The following GPM6B variants were observed in gnomAD, a reference collection of about 807,000 sequenced individuals.
The protein encoded by GPM6B is neuronal membrane glycoprotein M6-b.
GPM6B carries 4 observed loss-of-function variants against 27.2 expected under a neutral mutation model. The observed-to-expected ratio is 0.15, with a 90% confidence interval of 0.07 to 0.34. The LOEUF (loss-of-function observed/expected upper bound fraction) is 0.34, where lower values mean the gene tolerates loss of function less well. Among genes scored for constraint, GPM6B ranks in the 10% least tolerant of loss-of-function variants. The probability of loss-of-function intolerance (pLI) is 1.00; values close to 1 mark genes in which losing one functional copy is unlikely to be tolerated. For missense variants in GPM6B, 183 were observed against 261.9 expected, an observed-to-expected ratio of 0.70 and a Z score of 2.08; for synonymous variants, 124 against 103.1, an observed-to-expected ratio of 1.20 and a Z score of -1.23.
At chrX:13,812,835 C>T (rs952427593) in intron 1 of GPM6B, 1 of 109,572 alleles carries the variant, frequency 9.1e-6, no homozygotes, top group Non-Finnish European at 1.9e-5. Flanking sequence ...TAAAAAAATC[C>T]TAATGGAATT....
chrX:13,935,584 C>T (rs1385232291), intron 1 of GPM6B, among the ~76,000 whole-genome samples: 3 of 112,038 alleles, frequency 2.7e-5, no homozygotes, highest in African/African-American at 9.8e-5. Flanking sequence ...TCTCTGGATA[C>T]ATAAGCCATA....
chrX:13,892,193 G>A (rs1404425974), intron 1 of GPM6B, among the ~76,000 whole-genome samples: 1 of 111,582 alleles, frequency 9.0e-6, no homozygotes, highest in African/African-American at 3.3e-5. Flanking sequence ...AAAAGCGAGC[G>A]TTCAAAACAA....
intron 4 of GPM6B, among the ~76,000 whole-genome samples, chrX:13,782,943 G>A (rs2048545529): frequency 1.8e-5 from 2 of 111,274 alleles, no homozygotes; most frequent in Middle Eastern, 4.2e-3. Flanking sequence ...CCAGCTAGGC[G>A]CTCTGTACAG....
intron 1 of GPM6B, among the ~76,000 whole-genome samples, chrX:13,899,048 C>T (rs968276249): frequency 6.3e-5 from 7 of 111,805 alleles, no homozygotes; most frequent in Non-Finnish European, 1.3e-4. Context: ...CAACTTTACT[C>T]TTTAATGCAT....
intron 1 of GPM6B, among the ~76,000 whole-genome samples, chrX:13,905,866 C>T (rs1280161204): frequency 1.9e-5 from 2 of 104,198 alleles, no homozygotes; most frequent in Non-Finnish European, 4.0e-5. Flanking sequence ...ATCCTCCATT[C>T]GTGACACAAT....
intron 6 of GPM6B, 150 bp from the exon 7 acceptor site, chrX:13,776,453 G>T: frequency 2.3e-6 from 1 of 441,168 alleles, no homozygotes; most frequent in Non-Finnish European, 3.9e-6. Context: ...CTGGCCTCAT[G>T]GTGGAATCAC....
intron 1 of GPM6B, among the ~76,000 whole-genome samples, chrX:13,844,841 A>T (rs933916691): frequency 2.7e-5 from 3 of 112,164 alleles, no homozygotes; most frequent in African/African-American, 9.7e-5. Context: ...TGCTCTAAAC[A>T]AAAATAAGAA....
intron 1 of GPM6B, among the ~76,000 whole-genome samples, chrX:13,937,951 C>T (rs1036353492): frequency 9.0e-6 from 1 of 111,396 alleles, no homozygotes; most frequent in Non-Finnish European, 1.9e-5. Flanking sequence ...CCATGCTGTC[C>T]AGAGTCTCTC....
intron 4 of GPM6B, among the ~76,000 whole-genome samples, chrX:13,780,389 G>A (rs2048494484): frequency 9.0e-6 from 1 of 111,561 alleles, no homozygotes; most frequent in African/African-American, 3.3e-5. Context: ...GATAGATTCT[G>A]GATGTATTCC....
At chrX:13,823,499 A>G (rs779599576) in intron 1 of GPM6B, among the ~76,000 whole-genome samples, 1 of 106,706 alleles carries the variant, frequency 9.4e-6, no homozygotes, top group Non-Finnish European at 1.9e-5. Flanking sequence ...CTCTCCTGAC[A>G]AAAACATTCC....
chrX:13,895,262 T>C (rs2050222307), intron 1 of GPM6B, among the ~76,000 whole-genome samples: 1 of 111,880 alleles, frequency 8.9e-6, no homozygotes, highest in African/African-American at 3.2e-5. Flanking sequence ...GTAAATCTAA[T>C]TTTTGCAGAA....
At chrX:13,783,604 G>A in intron 3 of GPM6B, 83 bp from the exon 4 acceptor site, 6 of 811,924 alleles carry the variant, frequency 7.4e-6, no homozygotes, top group Non-Finnish European at 1.1e-5. Context: ...GAGAGGACAT[G>A]AGGGGGATGT....
intron 1 of GPM6B, among the ~76,000 whole-genome samples, chrX:13,868,946 A>G (rs970648519): frequency 1.8e-5 from 2 of 111,872 alleles, no homozygotes; most frequent in Non-Finnish European, 3.8e-5. Context: ...ATGCTTGGAG[A>G]TGGTGTCAAC....
At chrX:13,864,015 G>A (rs763595332) in intron 1 of GPM6B, among the ~76,000 whole-genome samples, 2 of 112,081 alleles carry the variant, frequency 1.8e-5, no homozygotes, top group Non-Finnish European at 3.8e-5. Flanking sequence ...GCAGGCCATG[G>A]TTCATTTTTT....
chrX:13,806,523 C>A (rs1055417402), intron 2 of GPM6B, among the ~76,000 whole-genome samples: 4 of 111,938 alleles, frequency 3.6e-5, no homozygotes, highest in Non-Finnish European at 7.5e-5. Context: ...CACACAGAAC[C>A]AACACCTGAT....
At chrX:13,884,606 A>C (rs1217141740) in intron 1 of GPM6B, among the ~76,000 whole-genome samples, 1 of 112,410 alleles carries the variant, frequency 8.9e-6, no homozygotes, top group African/African-American at 3.2e-5. Flanking sequence ...TAACCTAAGG[A>C]TTCTGCAGAT....
At chrX:13,829,654 T>G (rs1461333973) in intron 1 of GPM6B, among the ~76,000 whole-genome samples, 1 of 110,996 alleles carries the variant, frequency 9.0e-6, no homozygotes, top group East Asian at 2.8e-4. Context: ...AGCATGGTCC[T>G]CCCTGAGGAG....
At chrX:13,841,001 G>A (rs1462911550) in intron 1 of GPM6B, among the ~76,000 whole-genome samples, 1 of 112,008 alleles carries the variant, frequency 8.9e-6, no homozygotes, top group East Asian at 2.8e-4. Flanking sequence ...GCATGCATGG[G>A]TGTATGTGCA....
rs192566278 is a variant in GPM6B at position 13,851,210 on chromosome X, C to T, written c.-197-65402G>A. Among the ~76,000 whole-genome samples, 4 of 108,298 alleles carry T rather than the reference C, an allele frequency of 3.7e-5. No individual in the cohort carries two copies. The East Asian group carries it at 1.1e-3, about 31-fold the overall frequency. 94.0% of individuals were successfully genotyped at this position (108,298 alleles called of 115,157 possible). A position where few individuals can be genotyped will look rare whatever the true frequency, so the allele number is the denominator to read the frequency against. On this transcript the variant is annotated intron_variant, in intron 1 of 6. Coordinates refer to the GPM6B transcript ENST00000398361. ...GTTAGTTAATCTGAATGGGGTTCTA[C>T]CTCGTAACTAATTCCCATTCCAAGT...
Sources: allele counts gnomAD v4.1 joint callset (sites outside exome capture counted in the v4.1 genomes callset), GRCh38; gene constraint gnomAD v4.1.1; transcripts MANE v1.5; gene names NCBI Gene and HGNC (gene_info 2026-07-23, HGNC 2026-07-21).